The following GRIK2 variants were observed in gnomAD, a reference collection of about 807,000 sequenced individuals.
GRIK2 encodes the protein glutamate receptor ionotropic, kainate 2.
GRIK2 carries 32 observed loss-of-function variants against 100.3 expected under a neutral mutation model. That is an observed-to-expected ratio of 0.32 (90% CI 0.24 to 0.43). The LOEUF (loss-of-function observed/expected upper bound fraction) is 0.43. Ranked by LOEUF, GRIK2 falls within the 20% of genes least tolerant of loss-of-function variation. GRIK2 has a pLI of 1.00. For missense variants in GRIK2, 843 were observed against 1,114.9 expected, an observed-to-expected ratio of 0.76 and a Z score of 3.47; for synonymous variants, 417 against 389.4, an observed-to-expected ratio of 1.07 and a Z score of -0.83.
chr6:101,496,662 C>G (rs1773465099), intron 2 of GRIK2, among the ~76,000 whole-genome samples: 1 of 152,124 alleles, frequency 6.6e-6, no homozygotes, highest in South Asian at 2.1e-4. Context: ...TGAAATATAA[C>G]TTATAACTTT....
intron 2 of GRIK2, among the ~76,000 whole-genome samples, chr6:101,477,755 A>C (rs1250481549): frequency 6.6e-6 from 1 of 152,052 alleles, no homozygotes; most frequent in Non-Finnish European, 1.5e-5. Flanking sequence ...AACAGAAGGG[A>C]GGTATGTTTC....
At chr6:101,419,806 A>G (rs1776327861) in intron 2 of GRIK2, among the ~76,000 whole-genome samples, 1 of 152,120 alleles carries the variant, frequency 6.6e-6, no homozygotes. Context: ...GTTGAATTTC[A>G]CTACTGTTTG....
chr6:101,441,974 A>T (rs1770092050), intron 2 of GRIK2, among the ~76,000 whole-genome samples: 1 of 152,068 alleles, frequency 6.6e-6, no homozygotes, highest in Non-Finnish European at 1.5e-5. Flanking sequence ...AAAAAAAAAA[A>T]AAGGGGTGAA....
intron 7 of GRIK2, among the ~76,000 whole-genome samples, chr6:101,749,257 C>T (rs886792338): frequency 1.1e-4 from 17 of 152,018 alleles, no homozygotes; most frequent in Admixed American, 7.2e-4. Flanking sequence ...TACAAGTGCC[C>T]ACCACTATGC....
At chr6:101,735,397 A>G (rs1775567073) in intron 7 of GRIK2, among the ~76,000 whole-genome samples, 1 of 152,208 alleles carries the variant, frequency 6.6e-6, no homozygotes, top group South Asian at 2.1e-4. Flanking sequence ...GTCCGCTTTC[A>G]GGCTGCTGAT....
intron 7 of GRIK2, among the ~76,000 whole-genome samples, chr6:101,765,320 T>C (rs73761418): frequency 0.027 from 4,040 of 152,260 alleles, 122 homozygotes; most frequent in African/African-American, 0.071. Flanking sequence ...TGTTTATCTC[T>C]CTAGCATTAG....
intron 2 of GRIK2, among the ~76,000 whole-genome samples, chr6:101,498,879 C>A (rs1047140876): frequency 5.3e-5 from 8 of 152,120 alleles, no homozygotes; most frequent in Non-Finnish European, 1.0e-4. Context: ...TTAATTAGAT[C>A]TCATTTGTCA....
chr6:102,018,901 A>G (rs1183027619), intron 14 of GRIK2, among the ~76,000 whole-genome samples: 1 of 152,088 alleles, frequency 6.6e-6, no homozygotes, highest in East Asian at 1.9e-4. Flanking sequence ...TGTTTTCTAA[A>G]AGTAAGCAAC....
At chr6:101,466,271 A>C (rs934834531) in intron 2 of GRIK2, among the ~76,000 whole-genome samples, 3 of 151,908 alleles carry the variant, frequency 2.0e-5, no homozygotes, top group Non-Finnish European at 4.4e-5. Context: ...TTATGAATGC[A>C]TGAGATTTGA....
chr6:101,746,485 C>G (rs77845861), intron 7 of GRIK2, among the ~76,000 whole-genome samples: 2 of 152,088 alleles, frequency 1.3e-5, no homozygotes, highest in African/African-American at 4.8e-5. Context: ...TTCCACCATG[C>G]CTGGCTAATT....
intron 11 of GRIK2, among the ~76,000 whole-genome samples, chr6:101,878,368 A>G (rs1000415799): frequency 6.6e-6 from 1 of 151,292 alleles, no homozygotes; most frequent in Non-Finnish European, 1.5e-5. Context: ...AGTCTAGTGC[A>G]TATAAAATTA....
chr6:101,596,697 A>T (rs1008233408), intron 2 of GRIK2, among the ~76,000 whole-genome samples: 7 of 151,714 alleles, frequency 4.6e-5, no homozygotes, highest in African/African-American at 1.7e-4. Flanking sequence ...AAATAGAGGC[A>T]ATGTTTTAAC....
chr6:101,523,655 G>A (rs1177355115), intron 2 of GRIK2, among the ~76,000 whole-genome samples: 1 of 151,180 alleles, frequency 6.6e-6, no homozygotes, highest in Non-Finnish European at 1.5e-5. Context: ...AACATAAATA[G>A]TGCCCATCAG....
At chr6:102,037,088 C>G (rs1423482694) in intron 15 of GRIK2, among the ~76,000 whole-genome samples, 1 of 150,916 alleles carries the variant, frequency 6.6e-6, no homozygotes, top group Non-Finnish European at 1.5e-5. Context: ...GGAAAATCAT[C>G]TGAAATGTAT....
intron 11 of GRIK2, among the ~76,000 whole-genome samples, chr6:101,876,782 AAATC>A (rs1047247797): frequency 6.6e-5 from 10 of 151,938 alleles, no homozygotes; most frequent in Non-Finnish European, 1.2e-4. Context: ...TTCTGTTCTC[AAATC>A]AATCAGTCAT....
chr6:101,825,987 C>G (rs1452761802), intron 10 of GRIK2, among the ~76,000 whole-genome samples: 1 of 152,014 alleles, frequency 6.6e-6, no homozygotes, highest in African/African-American at 2.4e-5. Flanking sequence ...TGCATCAAAC[C>G]TCCTTCTTTG....
At chr6:101,447,157 A>T (rs957396210) in intron 2 of GRIK2, among the ~76,000 whole-genome samples, 1 of 151,386 alleles carries the variant, frequency 6.6e-6, no homozygotes, top group Non-Finnish European at 1.5e-5. Context: ...TAAAGCATTA[A>T]TATCTCATTG....
chr6:101,743,969 G>T (rs1776213508), intron 7 of GRIK2, among the ~76,000 whole-genome samples: 1 of 151,962 alleles, frequency 6.6e-6, no homozygotes, highest in South Asian at 2.1e-4. Flanking sequence ...TTGAGATGGA[G>T]TCTCACTCTG....
intron 2 of GRIK2, among the ~76,000 whole-genome samples, chr6:101,542,295 T>G (rs778060910): frequency 4.6e-5 from 7 of 152,054 alleles, no homozygotes; most frequent in Non-Finnish European, 1.5e-5. Flanking sequence ...AGGCTGAAAT[T>G]TTTATAAAAA....
Sources: allele counts gnomAD v4.1 joint callset (sites outside exome capture counted in the v4.1 genomes callset), GRCh38; gene constraint gnomAD v4.1.1; transcripts MANE v1.5; gene names NCBI Gene and HGNC (gene_info 2026-07-23, HGNC 2026-07-21).